The following SLIT1 variants were observed in gnomAD, a reference collection of about 807,000 sequenced individuals.
The protein encoded by SLIT1 is slit guidance ligand 1.
Under a neutral mutation model 186.1 loss-of-function variants are expected in SLIT1, and 66 were observed. That is an observed-to-expected ratio of 0.35 (90% CI 0.29 to 0.44). The LOEUF is 0.44. Ranked by LOEUF, SLIT1 falls within the 20% of genes least tolerant of loss-of-function variation. SLIT1 has a pLI of 1.00. For missense variants in SLIT1, 1,638 were observed against 2,037.4 expected (o/e 0.80, Z 3.77); for synonymous variants, 761 against 833.8 (o/e 0.91, Z 1.50).
At chr10:97,160,949 G>A (rs1262438006) in intron 3 of SLIT1, among the ~76,000 whole-genome samples, 1 of 152,098 alleles carries the variant, frequency 6.6e-6, no homozygotes, top group Non-Finnish European at 1.5e-5. Context: ...TCGAACTCCT[G>A]ACCTCAAGTG....
intron 23 of SLIT1, among the ~76,000 whole-genome samples, chr10:97,033,968 G>A (rs1244696074): frequency 1.3e-5 from 2 of 150,506 alleles, no homozygotes; most frequent in Non-Finnish European, 2.9e-5. Flanking sequence ...AGGTTCACGC[G>A]ATTCTCCTGC....
intron 4 of SLIT1, among the ~76,000 whole-genome samples, chr10:97,099,691 G>A (rs937091594): frequency 1.3e-5 from 2 of 152,156 alleles, no homozygotes; most frequent in South Asian, 2.1e-4. Context: ...CCAGCTTGAT[G>A]GTCCCCTGCC....
In SLIT1 at chr10:97,074,697, G is replaced by T. The variant is rs1011258036; in HGVS notation, c.414-8611C>A. Among the ~76,000 whole-genome samples the T allele has an allele frequency of 8.5e-5, 13 of 152,246 alleles. No individual in the cohort carries two copies. In the East Asian group the frequency reaches 2.5e-3, roughly 29 times the overall value. On this transcript the variant is annotated intron_variant, in intron 4 of 36. Coordinates refer to ENST00000266058, the MANE Select transcript of SLIT1 (RefSeq NM_003061.3). ...CCAAGAGCAGCCCCCACTTGGCCTGGAAGCATCGGGCAACCCCAGTCGGCC... is the reference window on the plus strand; with the variant it reads ...CCAAGAGCAGCCCCCACTTGGCCTGTAAGCATCGGGCAACCCCAGTCGGCC...
intron 4 of SLIT1, among the ~76,000 whole-genome samples, chr10:97,100,934 G>A (rs958082701): frequency 3.9e-5 from 6 of 152,170 alleles, no homozygotes; most frequent in Non-Finnish European, 5.9e-5. Context: ...CGGTGCAGAC[G>A]CAGGCCGGTT....
Position 97,031,681 on chromosome 10 carries a change from C to A in SLIT1, c.2439-4G>T, listed in dbSNP as rs372835138. The A allele has an allele frequency of 6.5e-7, 1 of 1,549,984 alleles. No homozygotes were observed. The highest frequency in any genetic ancestry group is 2.4e-5 in the East Asian group (1 of 40,916). ...CAGGGCATTGTAGCTGAGGATCCTG[C>A]GGAGGAAGGAGATGGAGGAAGGGCA... is the stretch of plus-strand genomic sequence containing the variant. On this transcript the variant is annotated splice_region_variant and splice_polypyrimidine_tract_variant and intron_variant, in intron 23 of 36. Coordinates refer to ENST00000266058, the MANE Select transcript of SLIT1 (RefSeq NM_003061.3).
chr10:97,047,862 T>C, intron 15 of SLIT1, 28 bp from the exon 16 acceptor site: 2 of 1,613,364 alleles, frequency 1.2e-6, no homozygotes, highest in Non-Finnish European at 1.7e-6. Flanking sequence ...GGGCAGAGGC[T>C]GAGGAGCCCG....
chr10:96,998,117 G>A lies in SLIT1; in HGVS notation c.*2995C>T, dbSNP rs558872041. On this transcript the variant is annotated 3_prime_UTR_variant, in exon 37 of 37. Coordinates refer to ENST00000266058, the MANE Select transcript of SLIT1 (RefSeq NM_003061.3). Reference sequence around the variant, plus strand: ...GTCTAAAACAATACTTCCAGGGCAGGTGCAGCTCCCTCATGGGCCTGTTCT... The same window carrying A: ...GTCTAAAACAATACTTCCAGGGCAGATGCAGCTCCCTCATGGGCCTGTTCT... 10 of 152,362 alleles carry A rather than the reference G, an allele frequency of 6.6e-5. No homozygotes were observed. In the East Asian group the frequency reaches 1.3e-3, roughly 21 times the overall value. The allele number at this position is 152,362 out of a possible 1,614,324, so 9.4% of individuals were successfully genotyped here.
chr10:97,184,762 A>G lies in SLIT1; in HGVS notation c.197+716T>C, dbSNP rs1168436071. Among the ~76,000 whole-genome samples the G allele has an allele frequency of 6.6e-6, 1 of 152,134 alleles. No homozygotes were observed. Among genetic ancestry groups the G allele is most frequent in the Non-Finnish European group, 1.5e-5 (1 of 68,020 alleles). ...CTCTCCAAGCTCCTGACTTCTTGGC[A>G]TTATCCACCGGGTTCTCCATCCAAG... On this transcript the variant is annotated intron_variant, in intron 1 of 36. Transcript: ENST00000266058. This position sits in a 1 kb window ranked among gnomAD's most constrained non-coding sequence, Gnocchi z 4.4.
At chr10:97,064,313 C>G (rs1303040135) in intron 6 of SLIT1, 74 bp from the exon 7 acceptor site, 2 of 1,239,302 alleles carry the variant, frequency 1.6e-6, no homozygotes, top group Non-Finnish European at 2.4e-6. Flanking sequence ...GCCCTGCTAA[C>G]GAACAGGGAG....
chr10:97,111,119 G>A (rs966586869), intron 4 of SLIT1, among the ~76,000 whole-genome samples: 5 of 152,084 alleles, frequency 3.3e-5, no homozygotes, highest in African/African-American at 1.2e-4. Context: ...GAACCTGGGA[G>A]GCGGAGGTTG....
intron 13 of SLIT1, among the ~76,000 whole-genome samples, chr10:97,055,171 T>G (rs1848825594): frequency 6.6e-6 from 1 of 152,168 alleles, no homozygotes. Context: ...GAGCTGAGAC[T>G]GTGCCATTGC....
chr10:97,182,337 A>G (rs1480838937), intron 1 of SLIT1, among the ~76,000 whole-genome samples: 5 of 152,226 alleles, frequency 3.3e-5, no homozygotes, highest in African/African-American at 7.2e-5. Context: ...CAAAGGACAA[A>G]AGGCAAATGC....
chr10:97,109,626 T>C lies in SLIT1; in HGVS notation c.414-43540A>G, dbSNP rs148898488. On this transcript the variant is annotated intron_variant, in intron 4 of 36. Transcript: ENST00000266058. ...AGAGGAAGGGATGAAACGATGGAGT[T>C]TGGATATTAACATTTCAAAGTAAAT... Among the ~76,000 whole-genome samples the C allele has an allele frequency of 3.1e-3, 470 of 152,328 alleles. 3 individuals carry two copies. Among genetic ancestry groups the C allele is most frequent in the Admixed American group, 6.5e-3 (100 of 15,306 alleles).
chr10:97,185,442 C>G, intron 1 of SLIT1, 36 bp downstream of exon 1: 1 of 1,595,630 alleles, frequency 6.3e-7, no homozygotes, highest in Non-Finnish European at 8.5e-7. Context: ...AGGGCAACCT[C>G]GGAGCCAGGG....
intron 21 of SLIT1, among the ~76,000 whole-genome samples, chr10:97,039,076 C>T (rs781290264): frequency 4.6e-5 from 7 of 152,116 alleles, no homozygotes; most frequent in African/African-American, 9.7e-5. Flanking sequence ...GGAAAAGGCC[C>T]GCAGTGGTTG....
intron 4 of SLIT1, among the ~76,000 whole-genome samples, chr10:97,139,442 G>C (rs1007594663): frequency 3.3e-5 from 5 of 152,164 alleles, no homozygotes; most frequent in Non-Finnish European, 5.9e-5. Flanking sequence ...CACAAAGATA[G>C]GGAAATACAT....
intron 4 of SLIT1, among the ~76,000 whole-genome samples, chr10:97,113,516 G>T (rs939577418): frequency 2.6e-5 from 4 of 151,180 alleles, no homozygotes; most frequent in Admixed American, 6.6e-5. Context: ...GGGATGACAG[G>T]CATGAGCCAC....
At chr10:97,165,119 T>C (rs1000090041) in intron 1 of SLIT1, among the ~76,000 whole-genome samples, 1 of 152,168 alleles carries the variant, frequency 6.6e-6, no homozygotes, top group African/African-American at 2.4e-5. Flanking sequence ...CTGGGAGTGC[T>C]GTGGAAACCA....
intron 4 of SLIT1, among the ~76,000 whole-genome samples, chr10:97,105,719 C>G (rs182503466): frequency 2.0e-5 from 3 of 152,224 alleles, no homozygotes; most frequent in Non-Finnish European, 2.9e-5. Context: ...AATTAAGGAA[C>G]TTGAGGTGAA....
Sources: gnomAD v4.1 joint callset for allele counts (sites outside exome capture counted in the v4.1 genomes callset) on GRCh38, gnomAD v4.1.1 for gene constraint, Gnocchi (gnomAD v3.1) non-coding constraint, MANE v1.5 for transcripts, NCBI Gene and HGNC (gene_info 2026-07-23, HGNC 2026-07-21) for gene names.